The following FGD6 variants were observed in gnomAD, a reference collection of about 807,000 sequenced individuals.
The protein encoded by FGD6 is FYVE, RhoGEF and PH domain-containing protein 6.
In FGD6, 90 loss-of-function variants were observed where a neutral mutation model predicts 149.4. The observed-to-expected ratio is 0.60, with a 90% CI of 0.51 to 0.72. The LOEUF is 0.72. Among genes scored for constraint, FGD6 ranks in the 30% least tolerant of loss-of-function variants. The probability of loss-of-function intolerance (pLI) is 0.00; values close to 1 mark genes in which losing one functional copy is unlikely to be tolerated. For missense variants in FGD6, 1,437 were observed against 1,684.8 expected, an observed-to-expected ratio of 0.85 and a Z score of 2.57; for synonymous variants, 527 against 584.0, an observed-to-expected ratio of 0.90 and a Z score of 1.41.
chr12:95,202,619 C>G (rs1239962816), intron 2 of FGD6, among the ~76,000 whole-genome samples: 1 of 151,946 alleles, frequency 6.6e-6, no homozygotes, highest in African/African-American at 2.4e-5. Flanking sequence ...GTCTCGAACT[C>G]CTGGGCTCGA....
intron 6 of FGD6, among the ~76,000 whole-genome samples, chr12:95,140,898 G>C (rs1879822695): frequency 1.3e-5 from 2 of 152,068 alleles, no homozygotes; most frequent in African/African-American, 4.8e-5. Flanking sequence ...ATTGAGCTTG[G>C]TGTGCCAAGG....
chr12:95,137,721 T>C lies in FGD6; in HGVS notation c.2838-43A>G, dbSNP rs367741732. ...ATACACAAAAAAATATAAAGAGAGATTGATGAACATATGCAATGATACGCA... is the reference window on the plus strand; with the variant it reads ...ATACACAAAAAAATATAAAGAGAGACTGATGAACATATGCAATGATACGCA... On this transcript the variant is annotated intron_variant, in intron 6 of 20. Transcript: ENST00000343958. 2.8e-5 allele frequency: 39 copies of C among 1,415,420 alleles called. 1 individual carries two copies. In the African/African-American group the frequency reaches 5.2e-4, roughly 19 times the overall value. The allele number at this position is 1,415,420 out of a possible 1,614,324, so 87.7% of individuals were successfully genotyped here. A position where few individuals can be genotyped will look rare whatever the true frequency, so the allele number is the denominator to read the frequency against.
intron 3 of FGD6, among the ~76,000 whole-genome samples, chr12:95,169,374 TAA>T (rs1192242109): frequency 6.6e-6 from 1 of 151,216 alleles, no homozygotes; most frequent in Non-Finnish European, 1.5e-5. Flanking sequence ...CATGATTAAC[TAA>T]AGAAATAGTC....
At chr12:95,129,083 C>T (rs1019970561) in intron 8 of FGD6, among the ~76,000 whole-genome samples, 1 of 151,076 alleles carries the variant, frequency 6.6e-6, no homozygotes, top group African/African-American at 2.4e-5. Context: ...TATAAAATGG[C>T]GTGAGTTTAG....
intron 8 of FGD6, among the ~76,000 whole-genome samples, chr12:95,122,461 C>T (rs991995333): frequency 6.6e-6 from 1 of 151,710 alleles, no homozygotes; most frequent in Admixed American, 6.6e-5. Flanking sequence ...GCCTAGCCAA[C>T]ATGGTGAAAC....
At position 95,134,760 on chromosome 12, in the gene FGD6, G is replaced by A. The variant is rs2136258129; in HGVS notation, c.3061C>T (p.Gln1021Ter). Residue 1021 changes from glutamine to a stop codon, truncating the protein, a stop_gained, in exon 8 of 21, where the codon CAG becomes TAG. Coordinates refer to ENST00000343958, the MANE Select transcript of FGD6 (RefSeq NM_018351.4). LOFTEE classifies it high-confidence loss of function. Reference sequence around the variant, plus strand: ...CCACCTGTCAGCAACAGCCTGTACTGGGGGATCCTCTGAACCGGCTTGAGC... The same window carrying A: ...CCACCTGTCAGCAACAGCCTGTACTAGGGGATCCTCTGAACCGGCTTGAGC... ...YLLKPVQRIP[Q>*]YRLLLTDYLK... The A allele has an allele frequency of 6.2e-7, 1 of 1,613,794 alleles. No homozygotes were observed. Among genetic ancestry groups the A allele is most frequent in the Non-Finnish European group, 8.5e-7 (1 of 1,179,866 alleles).
In FGD6 at chr12:95,077,111, C is replaced by T. The variant is rs1877518657; in HGVS notation, c.*4409G>A. 6.6e-6 allele frequency: 1 copy of T among 152,074 alleles called. No homozygotes were observed. The highest frequency in any genetic ancestry group is 2.4e-5 in the African/African-American group (1 of 41,406). The allele number at this position is 152,074 out of a possible 1,614,324, so 9.4% of individuals were successfully genotyped here. A position where few individuals can be genotyped will look rare whatever the true frequency, so the allele number is the denominator to read the frequency against. On this transcript the variant is annotated 3_prime_UTR_variant, in exon 21 of 21. Coordinates refer to ENST00000343958, the MANE Select transcript of FGD6 (RefSeq NM_018351.4). ...GGGAAAATATCATAGATAAGATTTT[C>T]CTTTAGAAAATGACATTAAAAGTGG...
chr12:95,175,057 T>TA (rs1881097245), intron 2 of FGD6, among the ~76,000 whole-genome samples: 1 of 152,270 alleles, frequency 6.6e-6, no homozygotes, highest in South Asian at 2.1e-4. Context: ...CCACATCCAT[T>TA]AGGGATACAA....
intron 14 of FGD6, among the ~76,000 whole-genome samples, chr12:95,104,296 T>C (rs1258652515): frequency 6.6e-6 from 1 of 152,086 alleles, no homozygotes. Context: ...CAAAAATCTA[T>C]GTTTATGTAT....
At chr12:95,090,040 C>T (rs1168269036) in intron 17 of FGD6, among the ~76,000 whole-genome samples, 1 of 152,016 alleles carries the variant, frequency 6.6e-6, no homozygotes, top group East Asian at 1.9e-4. Flanking sequence ...TGTCTAGATA[C>T]TAGACCAGCT....
At chr12:95,125,955 T>C (rs878856184) in intron 8 of FGD6, 2 of 1,436,958 alleles carry the variant, frequency 1.4e-6, no homozygotes, top group Non-Finnish European at 2.0e-6. Flanking sequence ...CAAGTTTCCA[T>C]ACAGTGCCCA....
At chr12:95,170,186 C>T (rs868225185) in intron 3 of FGD6, among the ~76,000 whole-genome samples, 3 of 152,170 alleles carry the variant, frequency 2.0e-5, no homozygotes, top group Admixed American at 1.3e-4. Context: ...TCTTTCCAGT[C>T]ATTTAAATCC....
chr12:95,082,273 T>A (rs140980787), intron 20 of FGD6, among the ~76,000 whole-genome samples: 1 of 152,164 alleles, frequency 6.6e-6, no homozygotes, highest in African/African-American at 2.4e-5. Flanking sequence ...TATCAGAGTT[T>A]CCTTGTATAT....
intron 14 of FGD6, among the ~76,000 whole-genome samples, chr12:95,104,058 A>C (rs1467258351): frequency 6.6e-6 from 1 of 152,192 alleles, no homozygotes; most frequent in Non-Finnish European, 1.5e-5. Context: ...TGAAATAGCC[A>C]CTTAAAAAAT....
chr12:95,181,552 A>G (rs569503482), intron 2 of FGD6, among the ~76,000 whole-genome samples: 4 of 152,258 alleles, frequency 2.6e-5, no homozygotes, highest in Non-Finnish European at 5.9e-5. Context: ...TTTAATTACC[A>G]TCAATTTTGC....
At chr12:95,141,137 C>T (rs112814356) in intron 6 of FGD6, among the ~76,000 whole-genome samples, 8 of 152,154 alleles carry the variant, frequency 5.3e-5, no homozygotes, top group African/African-American at 1.9e-4. Flanking sequence ...GCAGAAGAAA[C>T]GCTGGAACCC....
At chr12:95,101,240 G>A (rs903744055) in intron 14 of FGD6, among the ~76,000 whole-genome samples, 8 of 151,932 alleles carry the variant, frequency 5.3e-5, no homozygotes, top group African/African-American at 1.7e-4. Flanking sequence ...CCAGTGACTC[G>A]GAAGGCTAGG....
chr12:95,093,264 T>C (rs1287070664), intron 15 of FGD6, among the ~76,000 whole-genome samples: 3 of 151,374 alleles, frequency 2.0e-5, no homozygotes, highest in African/African-American at 7.3e-5. Flanking sequence ...ATATGGGCCA[T>C]TGGCTGGGCA....
intron 3 of FGD6, among the ~76,000 whole-genome samples, chr12:95,164,513 C>A (rs1166723424): frequency 6.6e-6 from 1 of 152,152 alleles, no homozygotes. Context: ...TCACTGCAAC[C>A]TCCACCTCCC....
Sources: allele counts gnomAD v4.1 joint callset (sites outside exome capture counted in the v4.1 genomes callset), GRCh38; gene constraint gnomAD v4.1.1; transcripts MANE v1.5; gene names NCBI Gene and HGNC (gene_info 2026-07-23, HGNC 2026-07-21).